KCNC4: variants seen among roughly 807,000 people sequenced by gnomAD.
KCNC4 encodes voltage-gated potassium channel KCNC4.
KCNC4 carries 23 observed loss-of-function variants against 42.8 expected under a neutral mutation model. The ratio of observed to expected loss-of-function variants is 0.54; its 90% CI spans 0.39 to 0.76. KCNC4 has a LOEUF of 0.76. KCNC4 is among the 30% of genes least tolerant of loss of function. The pLI is 0.00. For missense variants in KCNC4, 751 were observed against 898.2 expected, an observed-to-expected ratio of 0.84 and a Z score of 2.10; for synonymous variants, 422 against 393.5, an observed-to-expected ratio of 1.07 and a Z score of -0.86.
At chr1:110,255,755 C>G (rs1659319356) in intron 1 of KCNC4, among the ~76,000 whole-genome samples, 1 of 152,218 alleles carries the variant, frequency 6.6e-6, no homozygotes, top group Non-Finnish European at 1.5e-5. Context: ...CCACAGCTTT[C>G]TCTCCTGAAG....
chr1:110,211,406 C>T lies in KCNC4; in HGVS notation c.-94C>T. On this transcript the variant is annotated 5_prime_UTR_variant, in exon 1 of 4. Transcript: ENST00000438661. This position sits in a 1 kb window ranked among gnomAD's most constrained non-coding sequence, Gnocchi z 6.5. Reference sequence around the variant, plus strand: ...CCGCCACCGCCTCCTGCCTCCTCTTCGTCTCCTCCCCCTCCCCCGTCTGAC... The same window carrying T: ...CCGCCACCGCCTCCTGCCTCCTCTTTGTCTCCTCCCCCTCCCCCGTCTGAC... 2 of 1,477,814 alleles carry T rather than the reference C, an allele frequency of 1.4e-6. No individual in the cohort carries two copies. The highest frequency in any genetic ancestry group is 1.8e-6 in the Non-Finnish European group (2 of 1,107,836). 91.5% of individuals were successfully genotyped at this position (1,477,814 alleles called of 1,614,324 possible). A position where few individuals can be genotyped will look rare whatever the true frequency, so the allele number is the denominator to read the frequency against.
chr1:110,250,156 TC>T (rs1659224891), downstream of KCNC4, among the ~76,000 whole-genome samples: 1 of 151,894 alleles, frequency 6.6e-6, no homozygotes, highest in African/African-American at 2.4e-5. Context: ...TTTCCCGGGC[TC>T]CCCCACCTCC....
At chr1:110,246,842 C>T (rs1217836493) in exon 4 of KCNC4, 1 of 144,112 alleles carries the variant, frequency 6.9e-6, no homozygotes, top group Non-Finnish European at 1.5e-5. Flanking sequence ...GTAGTTATAT[C>T]AGGGCTTTTA....
intron 1 of KCNC4, among the ~76,000 whole-genome samples, chr1:110,268,731 T>C (rs1416016479): frequency 7.7e-6 from 1 of 129,318 alleles, no homozygotes; most frequent in Non-Finnish European, 1.7e-5. Context: ...TGAGATTTTA[T>C]TTTTTTTTTT....
At chr1:110,253,503 T>C (rs1471539303), downstream of KCNC4, among the ~76,000 whole-genome samples, 1 of 152,154 alleles carries the variant, frequency 6.6e-6, no homozygotes, top group African/African-American at 2.4e-5. Flanking sequence ...GTTCAAAGCA[T>C]TTGAATGTCC....
At chr1:110,280,004 G>A (rs953439941) in intron 1 of KCNC4, among the ~76,000 whole-genome samples, 3 of 151,942 alleles carry the variant, frequency 2.0e-5, no homozygotes, top group African/African-American at 7.3e-5. Context: ...GGCCAGGCTG[G>A]TCTCAATCTC....
intron 2 of KCNC4, 70 bp from the exon 3 acceptor site, chr1:110,225,905 A>G (rs1658359499): frequency 1.5e-6 from 2 of 1,364,300 alleles, no homozygotes; most frequent in Non-Finnish European, 2.0e-6. Context: ...GGTCTGGGAG[A>G]CCCCAGATGA....
At chr1:110,216,353 C>T (rs905463647) in intron 1 of KCNC4, among the ~76,000 whole-genome samples, 6 of 152,338 alleles carry the variant, frequency 3.9e-5, no homozygotes, top group South Asian at 2.1e-4. Context: ...CAAGCCTGCC[C>T]GGGGCAGCCC....
chr1:110,221,015 T>G (rs1306862731), intron 1 of KCNC4: 1 of 152,272 alleles, frequency 6.6e-6, no homozygotes, highest in Non-Finnish European at 1.5e-5. Context: ...CCATGCTGTT[T>G]CTGATCAACC....
intron 1 of KCNC4, among the ~76,000 whole-genome samples, chr1:110,263,067 A>G (rs1307733858): frequency 6.6e-6 from 1 of 152,010 alleles, no homozygotes; most frequent in Non-Finnish European, 1.5e-5. Flanking sequence ...TCACTTGCAC[A>G]TTTTTCTGTG....
At chr1:110,252,287 C>T (rs1182632413), downstream of KCNC4, among the ~76,000 whole-genome samples, 1 of 152,218 alleles carries the variant, frequency 6.6e-6, no homozygotes, top group African/African-American at 2.4e-5. Flanking sequence ...CTTTTTCTTT[C>T]CAACCAAGAA....
chr1:110,227,122 C>T (rs1658437566), intron 3 of KCNC4, among the ~76,000 whole-genome samples: 1 of 152,194 alleles, frequency 6.6e-6, no homozygotes. Context: ...AGAGCTCTTC[C>T]CCAGGTTCTC....
exon 4 of KCNC4, chr1:110,248,955 T>C (rs1384834928): frequency 6.6e-6 from 1 of 152,238 alleles, no homozygotes; most frequent in Non-Finnish European, 1.5e-5. Context: ...CCTGAACTAT[T>C]TGGGTGGTTT....
At chr1:110,215,185 G>A (rs1275079486) in intron 1 of KCNC4, among the ~76,000 whole-genome samples, 6 of 152,236 alleles carry the variant, frequency 3.9e-5, no homozygotes, top group Non-Finnish European at 8.8e-5. Flanking sequence ...GATTATGAGA[G>A]CCTGTTGCCT....
At chr1:110,238,947 C>T (rs1022724568), downstream of KCNC4, 16 of 152,148 alleles carry the variant, frequency 1.1e-4, no homozygotes, top group Non-Finnish European at 2.1e-4. Flanking sequence ...ATCTCCCACC[C>T]GTATTCCAAC....
At position 110,232,578 on chromosome 1, in the gene KCNC4, G is replaced by A. The variant is rs1363154721; in HGVS notation, c.1820-333G>A. Reference sequence around the variant, plus strand: ...ACCTAAGAGGCTAGTGGTTCCTGGAGCTAGTGGTTACCTGAACAGGTATGG... The same window carrying A: ...ACCTAAGAGGCTAGTGGTTCCTGGAACTAGTGGTTACCTGAACAGGTATGG... On this transcript the variant is annotated intron_variant, in intron 3 of 3. Transcript: ENST00000438661. The A allele has an allele frequency of 5.6e-6, 8 of 1,435,714 alleles. No homozygotes were observed. The Admixed American group carries it at 8.5e-5, about 15-fold the overall frequency. The allele number at this position is 1,435,714 out of a possible 1,614,324, so 88.9% of individuals were successfully genotyped here. A position where few individuals can be genotyped will look rare whatever the true frequency, so the allele number is the denominator to read the frequency against.
At position 110,233,362 on chromosome 1, in the gene KCNC4, A is replaced by AT. The variant is rs1658807352; in HGVS notation, c.*390_*391insT. The AT allele has an allele frequency of 7.1e-6, 2 of 283,150 alleles. No homozygotes were observed. The highest frequency in any genetic ancestry group is 1.3e-5 in the Non-Finnish European group (2 of 149,004). The allele number at this position is 283,150 out of a possible 1,614,324, so 17.5% of individuals were successfully genotyped here. ...TGTGTGGGTGGAATGTCCCAAGAAA[A>AT]GTGCATCTGGGAATTGCCAGTCCAG... On this transcript the variant is annotated 3_prime_UTR_variant, in exon 4 of 4. Coordinates refer to ENST00000438661, the MANE Select transcript of KCNC4 (RefSeq NM_001039574.3).
chr1:110,241,288 T>C (rs1361299783), exon 4 of KCNC4: 1 of 152,178 alleles, frequency 6.6e-6, no homozygotes, highest in Non-Finnish European at 1.5e-5. Context: ...GTCGTCCTGC[T>C]CTCTTCATTT....
intron 1 of KCNC4, among the ~76,000 whole-genome samples, chr1:110,263,258 C>T (rs1659483879): frequency 6.6e-6 from 1 of 152,138 alleles, no homozygotes; most frequent in African/African-American, 2.4e-5. Context: ...ACGGTAATAA[C>T]AGCTGTTCTG....
Sources: allele counts gnomAD v4.1 joint callset (sites outside exome capture counted in the v4.1 genomes callset), GRCh38; gene constraint gnomAD v4.1.1; non-coding constraint Gnocchi (gnomAD v3.1); transcripts MANE v1.5; gene names NCBI Gene and HGNC (gene_info 2026-07-23, HGNC 2026-07-21).